The following TENM2 variants were observed in gnomAD, a reference collection of about 807,000 sequenced individuals.
TENM2 encodes teneurin transmembrane protein 2.
Under a neutral mutation model 245.2 loss-of-function variants are expected in TENM2, and 52 were observed. That is an observed-to-expected ratio of 0.21 (90% CI 0.17 to 0.27). The LOEUF is 0.27. TENM2 is among the 10% of genes least tolerant of loss of function. The probability of loss-of-function intolerance (pLI) is 1.00; values close to 1 mark genes in which losing one functional copy is unlikely to be tolerated. For missense variants in TENM2, 3,046 were observed against 3,666.8 expected, an observed-to-expected ratio of 0.83 and a Z score of 4.37; for synonymous variants, 1,363 against 1,438.9, an observed-to-expected ratio of 0.95 and a Z score of 1.19.
intron 1 of TENM2, among the ~76,000 whole-genome samples, chr5:167,370,203 G>A (rs564976566): frequency 1.3e-5 from 2 of 151,730 alleles, no homozygotes; most frequent in East Asian, 3.9e-4. Flanking sequence ...TTAGCTGGGT[G>A]TAGTGGCGGG....
the TENM2 span, among the ~76,000 whole-genome samples, chr5:167,110,575 T>G: frequency 3.9e-5 from 6 of 152,228 alleles, no homozygotes; most frequent in Non-Finnish European, 5.9e-5. Flanking sequence ...ATTCCTAGAA[T>G]ATACAGTTAA....
intron 2 of TENM2, among the ~76,000 whole-genome samples, chr5:167,445,369 A>AGAGAGAGAGAGAGG (rs35699708): frequency 2.0e-5 from 2 of 98,578 alleles, no homozygotes; most frequent in African/African-American, 5.1e-5. Flanking sequence ...AGAGAGAGAG[A>AGAGAGAGAGAGAGG]GTGTCAGGTG....
intron 2 of TENM2, among the ~76,000 whole-genome samples, chr5:167,623,698 T>C (rs911143207): frequency 1.3e-5 from 2 of 152,212 alleles, no homozygotes; most frequent in African/African-American, 4.8e-5. Flanking sequence ...TTTTTTGTTG[T>C]TGTTCTGTTT....
chr5:167,086,925 A>T, the TENM2 span, among the ~76,000 whole-genome samples: 5 of 53,566 alleles, frequency 9.3e-5, no homozygotes, highest in East Asian at 1.6e-3. Context: ...TCTAACACAC[A>T]CACGCACACA....
chr5:167,920,109 A>G (rs1777236950), intron 3 of TENM2, among the ~76,000 whole-genome samples: 1 of 152,152 alleles, frequency 6.6e-6, no homozygotes, highest in South Asian at 2.1e-4. Context: ...CAGACTAAAA[A>G]TGCAAAACTG....
intron 9 of TENM2, among the ~76,000 whole-genome samples, chr5:168,108,726 A>G (rs993340741): frequency 6.6e-6 from 1 of 152,174 alleles, no homozygotes; most frequent in Non-Finnish European, 1.5e-5. Context: ...CCCCAAATCC[A>G]GGGCAGTGTG....
At chr5:167,270,409 T>A in the TENM2 span, among the ~76,000 whole-genome samples, 2 of 152,132 alleles carry the variant, frequency 1.3e-5, 1 homozygote, top group East Asian at 3.9e-4. Context: ...TATTAGGAGA[T>A]TCACACATAC....
rs143926510 is a variant in TENM2, at chr5:168,054,562, T to C, written c.1309+7013T>C. On this transcript the variant is annotated intron_variant, in intron 6 of 28. Transcript: ENST00000518659. ...CAGAGTTCGGTTAAGTTAGGAAGTA[T>C]TAATATGAGGCTTCATTTCCCTGGT... is the stretch of plus-strand genomic sequence containing the variant. Among the ~76,000 whole-genome samples, 246 of 152,374 alleles carry C rather than the reference T, an allele frequency of 1.6e-3. 2 individuals are homozygous for C. Among genetic ancestry groups the C allele is most frequent in the African/African-American group, 5.3e-3 (222 of 41,596 alleles).
At chr5:168,153,714 G>A (rs562536871) in intron 12 of TENM2, among the ~76,000 whole-genome samples, 5 of 152,288 alleles carry the variant, frequency 3.3e-5, no homozygotes, top group African/African-American at 9.6e-5. Flanking sequence ...TCTGGATCCC[G>A]GGGGCTTGTT....
intron 19 of TENM2, among the ~76,000 whole-genome samples, chr5:168,207,793 T>C (rs1762482627): frequency 6.6e-6 from 1 of 152,190 alleles, no homozygotes. Flanking sequence ...TATTGAAATG[T>C]TTCCATGGTT....
intron 2 of TENM2, among the ~76,000 whole-genome samples, chr5:167,379,071 T>G (rs767078471): frequency 7.9e-5 from 12 of 152,108 alleles, no homozygotes; most frequent in Non-Finnish European, 1.3e-4. Flanking sequence ...CCACCCAAAG[T>G]AAATAAGTAC....
chr5:167,478,039 G>A (rs7719534), intron 2 of TENM2, among the ~76,000 whole-genome samples: 32,183 of 152,076 alleles, frequency 0.21, 3,424 homozygotes, highest in African/African-American at 0.25. Context: ...CCCAGGTGTA[G>A]TGAATGCTGT....
At chr5:167,649,460 TTGCACTG>T (rs760993672) in intron 2 of TENM2, among the ~76,000 whole-genome samples, 1 of 152,180 alleles carries the variant, frequency 6.6e-6, no homozygotes, top group Non-Finnish European at 1.5e-5. Flanking sequence ...TCTAAGGCGC[TTGCACTG>T]TGACCATACC....
chr5:168,085,407 T>G (rs942059107), intron 7 of TENM2: 1 of 152,190 alleles, frequency 6.6e-6, no homozygotes, highest in African/African-American at 2.4e-5. Context: ...TGCTACAGTC[T>G]GGAAATGCAG....
At chr5:167,257,755 A>C in the TENM2 span, among the ~76,000 whole-genome samples, 1 of 152,146 alleles carries the variant, frequency 6.6e-6, no homozygotes, top group South Asian at 2.1e-4. Flanking sequence ...GAAGTGATGT[A>C]AATGTCAGAA....
intron 25 of TENM2, among the ~76,000 whole-genome samples, chr5:168,238,185 G>T (rs1765694427): frequency 2.4e-5 from 1 of 42,230 alleles, no homozygotes; most frequent in African/African-American, 4.0e-4. Flanking sequence ...GAGAGAGAGA[G>T]GGAGGGAGGG....
chr5:167,431,488 TAAC>T (rs1424272146), intron 2 of TENM2, among the ~76,000 whole-genome samples: 2 of 152,164 alleles, frequency 1.3e-5, no homozygotes, highest in Non-Finnish European at 2.9e-5. Flanking sequence ...GAGTACTTCT[TAAC>T]AACCAAGATT....
rs534661932 is a variant in TENM2, at chr5:167,370,832, G to A, written c.227-4366G>A. Among the ~76,000 whole-genome samples, 179 of 152,260 alleles carry A rather than the reference G, an allele frequency of 1.2e-3. 1 individual carries two copies. The highest frequency in any genetic ancestry group is 3.1e-3 in the African/African-American group (127 of 41,562). ...TAGTAAAGAAGAATGAAGGGTTCAC[G>A]GCTTTCCACTAGAAATCTTAGCTTG... On this transcript the variant is annotated intron_variant, in intron 1 of 28. Coordinates refer to ENST00000518659, the Ensembl canonical transcript of TENM2.
chr5:168,136,676 C>T (rs888030647), intron 12 of TENM2, among the ~76,000 whole-genome samples: 1 of 152,198 alleles, frequency 6.6e-6, no homozygotes, highest in African/African-American at 2.4e-5. Context: ...AGCTGTCGAA[C>T]AGACACCACA....
Sources: allele counts gnomAD v4.1 joint callset (sites outside exome capture counted in the v4.1 genomes callset), GRCh38; gene constraint gnomAD v4.1.1; transcripts MANE v1.5; gene names NCBI Gene and HGNC (gene_info 2026-07-23, HGNC 2026-07-21).